Variants in XRCC5 observed in about 807,000 individuals in gnomAD.
The protein encoded by XRCC5 is X-ray repair cross complementing 5.
XRCC5 carries 12 observed loss-of-function variants against 95.7 expected under a neutral mutation model. That is an observed-to-expected ratio of 0.13 (90% CI 0.08 to 0.20). The LOEUF (loss-of-function observed/expected upper bound fraction) is 0.20, where lower values mean the gene tolerates loss of function less well. Ranked by LOEUF, XRCC5 falls within the 10% of genes least tolerant of loss-of-function variation. XRCC5 has a pLI of 1.00. For missense variants in XRCC5, 595 were observed against 873.9 expected, an observed-to-expected ratio of 0.68 and a Z score of 4.02; for synonymous variants, 281 against 290.3, an observed-to-expected ratio of 0.97 and a Z score of 0.33.
intron 8 of XRCC5, among the ~76,000 whole-genome samples, chr2:216,128,701 A>T (rs896197742): frequency 6.6e-6 from 1 of 152,214 alleles, no homozygotes; most frequent in African/African-American, 2.4e-5. Context: ...AGAGATACTA[A>T]GTAGTCCACT....
intron 18 of XRCC5, among the ~76,000 whole-genome samples, chr2:216,194,680 T>C (rs184470507): frequency 2.0e-5 from 3 of 152,270 alleles, no homozygotes; most frequent in Non-Finnish European, 4.4e-5. Context: ...TTTAAAAATC[T>C]CCAGCTCAGG....
chr2:216,143,976 A>G (rs1409315954), intron 13 of XRCC5, among the ~76,000 whole-genome samples: 3 of 152,102 alleles, frequency 2.0e-5, no homozygotes, highest in African/African-American at 7.2e-5. Flanking sequence ...GGCCTCCCCA[A>G]AGTGCTGGGA....
At chr2:216,160,439 T>C (rs987954916) in intron 15 of XRCC5, among the ~76,000 whole-genome samples, 6 of 152,188 alleles carry the variant, frequency 3.9e-5, no homozygotes, top group African/African-American at 1.4e-4. Flanking sequence ...GCTGTTGGCA[T>C]TATTTTGCAG....
intron 12 of XRCC5, among the ~76,000 whole-genome samples, chr2:216,139,745 C>T (rs1053439833): frequency 5.3e-5 from 8 of 152,292 alleles, no homozygotes; most frequent in Non-Finnish European, 8.8e-5. Flanking sequence ...TGGGTTCAAA[C>T]AATCCTCACA....
intron 8 of XRCC5, among the ~76,000 whole-genome samples, chr2:216,128,197 C>T (rs930489274): frequency 2.0e-5 from 3 of 152,256 alleles, no homozygotes; most frequent in East Asian, 3.9e-4. Flanking sequence ...GTCTAGATGG[C>T]ATCTTTATCC....
At chr2:216,112,886 A>C in intron 1 of XRCC5, 130 bp from the exon 2 acceptor site, 1 of 679,384 alleles carries the variant, frequency 1.5e-6, no homozygotes, top group South Asian at 1.8e-5. Context: ...ATTCTTATGT[A>C]GAACACATCC....
chr2:216,170,687 A>T (rs1039638312), intron 16 of XRCC5, among the ~76,000 whole-genome samples: 1 of 152,238 alleles, frequency 6.6e-6, no homozygotes, highest in African/African-American at 2.4e-5. Flanking sequence ...TTGGGCCATC[A>T]GTGCAACAAG....
chr2:216,179,812 G>A (rs1689348770), intron 16 of XRCC5, among the ~76,000 whole-genome samples: 1 of 152,178 alleles, frequency 6.6e-6, no homozygotes, highest in Non-Finnish European at 1.5e-5. Context: ...CCATTGAAGA[G>A]TTTGAAGTAG....
chr2:216,171,943 AGTT>A (rs1689173237), intron 16 of XRCC5, among the ~76,000 whole-genome samples: 1 of 152,206 alleles, frequency 6.6e-6, no homozygotes, highest in Non-Finnish European at 1.5e-5. Context: ...TAAATTATAG[AGTT>A]GTGAAATTAT....
At chr2:216,111,293 G>A in intron 1 of XRCC5, 1 of 373,370 alleles carries the variant, frequency 2.7e-6, no homozygotes, top group South Asian at 1.9e-5. Context: ...AGGCGGAGGT[G>A]GGAGGATTGC....
chr2:216,204,297 A>T (rs374239611), intron 19 of XRCC5, 25 bp from the exon 20 acceptor site: 1 of 1,613,364 alleles, frequency 6.2e-7, no homozygotes, highest in Admixed American at 1.7e-5. Context: ...TCATTTTGGT[A>T]TGATAACTGA....
chr2:216,191,990 A>G (rs41302528), intron 17 of XRCC5, among the ~76,000 whole-genome samples: 117 of 152,024 alleles, frequency 7.7e-4, no homozygotes, highest in Middle Eastern at 3.4e-3. Flanking sequence ...GTTGATAATT[A>G]TTTCTTTATT....
At chr2:216,188,639 G>T (rs1267100287) in intron 16 of XRCC5, among the ~76,000 whole-genome samples, 1 of 152,172 alleles carries the variant, frequency 6.6e-6, no homozygotes, top group Non-Finnish European at 1.5e-5. Context: ...ATCTGGGAAA[G>T]TACACCGCTT....
At chr2:216,167,546 T>C (rs41301736) in intron 16 of XRCC5, among the ~76,000 whole-genome samples, 40 of 150,542 alleles carry the variant, frequency 2.7e-4, no homozygotes, top group African/African-American at 9.7e-4. Context: ...CTAGCAGAAA[T>C]CTCTCTCGTG....
chr2:216,126,943 T>C (rs1574456343), intron 7 of XRCC5, among the ~76,000 whole-genome samples: 2 of 152,020 alleles, frequency 1.3e-5, no homozygotes, highest in South Asian at 2.1e-4. Context: ...TGATAAAATG[T>C]ATAGTCCTCT....
At chr2:216,113,162 C>T in intron 2 of XRCC5, 33 bp downstream of exon 2, 1 of 1,560,726 alleles carries the variant, frequency 6.4e-7, no homozygotes, top group Non-Finnish European at 8.8e-7. Context: ...GCTTGTAACC[C>T]ATGTTTGAAC....
At chr2:216,136,095 G>A (rs1307385695) in intron 10 of XRCC5, among the ~76,000 whole-genome samples, 2 of 152,112 alleles carry the variant, frequency 1.3e-5, no homozygotes, top group East Asian at 1.9e-4. Flanking sequence ...GGTGGCTCAC[G>A]CCTGTAATCC....
chr2:216,167,400 T>G (rs1047417787), intron 16 of XRCC5, among the ~76,000 whole-genome samples: 1 of 152,214 alleles, frequency 6.6e-6, no homozygotes, highest in Non-Finnish European at 1.5e-5. Context: ...ATGATATTCA[T>G]CAAAGCCAAA....
intron 19 of XRCC5, among the ~76,000 whole-genome samples, 170 bp downstream of exon 19, chr2:216,195,156 T>C (rs1198182613): frequency 6.6e-6 from 1 of 152,176 alleles, no homozygotes; most frequent in African/African-American, 2.4e-5. Flanking sequence ...ATTATAATCT[T>C]ACTCAGTTTC....
Sources: allele counts gnomAD v4.1 joint callset (sites outside exome capture counted in the v4.1 genomes callset), GRCh38; gene constraint gnomAD v4.1.1; transcripts MANE v1.5; gene names NCBI Gene and HGNC (gene_info 2026-07-23, HGNC 2026-07-21).